LINGO2: variants seen among roughly 807,000 people sequenced by gnomAD.
LINGO2 encodes leucine-rich repeat and immunoglobulin-like domain-containing nogo receptor-interacting protein 2.
A neutral mutation model predicts 30.6 loss-of-function variants in LINGO2; 14 were observed. The observed-to-expected ratio is 0.46, with a 90% confidence interval of 0.30 to 0.72. The LOEUF (loss-of-function observed/expected upper bound fraction) is 0.72. Among genes scored for constraint, LINGO2 ranks in the 30% least tolerant of loss-of-function variants. The pLI, the probability that LINGO2 is intolerant of heterozygous loss-of-function variation, is 0.07. For missense variants in LINGO2, 729 were observed against 751.7 expected (o/e 0.97, Z 0.35); for synonymous variants, 317 against 288.5 (o/e 1.10, Z -1.00).
chr9:28,928,337 G>A, the LINGO2 span, among the ~76,000 whole-genome samples: 1 of 152,134 alleles, frequency 6.6e-6, no homozygotes, highest in Non-Finnish European at 1.5e-5. Flanking sequence ...ATCTAAGTAT[G>A]TGAACTTTAA....
At chr9:28,407,816 T>G (rs1032084425) in intron 2 of LINGO2, among the ~76,000 whole-genome samples, 3 of 152,292 alleles carry the variant, frequency 2.0e-5, no homozygotes, top group Admixed American at 1.3e-4. Flanking sequence ...TATCTCAGTC[T>G]TATCCATAAA....
chr9:28,812,709 G>A, the LINGO2 span, among the ~76,000 whole-genome samples: 1 of 152,156 alleles, frequency 6.6e-6, no homozygotes. Flanking sequence ...TTCTCACGAT[G>A]AGTTCAAAAA....
At chr9:28,282,011 C>CT (rs907844876) in intron 4 of LINGO2, among the ~76,000 whole-genome samples, 100 of 152,184 alleles carry the variant, frequency 6.6e-4, no homozygotes, top group African/African-American at 2.4e-3. Context: ...AATGTCCAGT[C>CT]ACGGAGTTCC....
intron 2 of LINGO2, among the ~76,000 whole-genome samples, chr9:28,405,320 G>T (rs981620776): frequency 1.3e-5 from 2 of 152,060 alleles, no homozygotes; most frequent in Admixed American, 1.3e-4. Flanking sequence ...AATTGAAATA[G>T]AATTGGGTCC....
intron 3 of LINGO2, among the ~76,000 whole-genome samples, chr9:28,333,048 C>A (rs1354778884): frequency 6.6e-6 from 1 of 152,112 alleles, no homozygotes; most frequent in Non-Finnish European, 1.5e-5. Flanking sequence ...TGCAGTTTTA[C>A]GGATCAAAAT....
chr9:29,087,499 C>G, the LINGO2 span, among the ~76,000 whole-genome samples: 1 of 152,154 alleles, frequency 6.6e-6, no homozygotes, highest in Non-Finnish European at 1.5e-5. Context: ...TCACAATTAG[C>G]AAGTAATGAA....
intron 4 of LINGO2, among the ~76,000 whole-genome samples, chr9:28,066,849 T>C (rs1443945489): frequency 6.6e-6 from 1 of 152,028 alleles, no homozygotes; most frequent in East Asian, 1.9e-4. Context: ...AGGTCATCAA[T>C]GTCTCTGCTT....
intron 3 of LINGO2, among the ~76,000 whole-genome samples, chr9:28,298,558 C>T (rs2134197235): frequency 6.6e-6 from 1 of 150,884 alleles, no homozygotes; most frequent in East Asian, 1.9e-4. Context: ...TGGTGCATGC[C>T]TGTAATCCCA....
intron 4 of LINGO2, among the ~76,000 whole-genome samples, chr9:28,172,143 G>A (rs1023217584): frequency 5.0e-4 from 75 of 150,360 alleles, no homozygotes; most frequent in African/African-American, 1.4e-3. Flanking sequence ...TGTAATCCCA[G>A]CACTTTGGGA....
intron 1 of LINGO2, 62 bp from the exon 4 acceptor site, chr9:28,476,087 T>C (rs1333874026): frequency 1.3e-5 from 2 of 152,554 alleles, no homozygotes; most frequent in Admixed American, 6.5e-5. Context: ...AGGATTTTAC[T>C]ATATTAATGG....
chr9:28,840,092 G>A, the LINGO2 span, among the ~76,000 whole-genome samples: 1 of 149,726 alleles, frequency 6.7e-6, no homozygotes, highest in Middle Eastern at 3.2e-3. Context: ...GCAGGGAGGG[G>A]CTAGGCAACA....
chr9:28,775,083 G>A, the LINGO2 span, among the ~76,000 whole-genome samples: 1 of 152,172 alleles, frequency 6.6e-6, no homozygotes, highest in African/African-American at 2.4e-5. Flanking sequence ...GATATTGCTG[G>A]TGATGCTGCC....
the LINGO2 span, among the ~76,000 whole-genome samples, chr9:29,055,936 G>GTATATA: frequency 7.0e-4 from 85 of 121,862 alleles, 1 homozygote; most frequent in African/African-American, 2.6e-3. Flanking sequence ...GTGTATGTGT[G>GTATATA]TGTGTATATA....
At chr9:28,901,405 A>G in the LINGO2 span, among the ~76,000 whole-genome samples, 1 of 152,160 alleles carries the variant, frequency 6.6e-6, no homozygotes, top group African/African-American at 2.4e-5. Context: ...TAAGTACACA[A>G]ATTCAAAATA....
intron 2 of LINGO2, among the ~76,000 whole-genome samples, chr9:28,465,259 T>C (rs1323389846): frequency 6.6e-6 from 1 of 152,058 alleles, no homozygotes. Flanking sequence ...AGAAATTTTA[T>C]TGAGTGGTGG....
intron 4 of LINGO2, among the ~76,000 whole-genome samples, chr9:28,152,476 C>A (rs1371020864): frequency 6.6e-6 from 1 of 152,114 alleles, no homozygotes; most frequent in African/African-American, 2.4e-5. Flanking sequence ...AACCTCTTTT[C>A]TTTATAAATT....
At chr9:28,791,642 GA>G in the LINGO2 span, among the ~76,000 whole-genome samples, 1 of 151,874 alleles carries the variant, frequency 6.6e-6, no homozygotes, top group Admixed American at 6.6e-5. Context: ...GTTCAGAAAT[GA>G]GAGCTGAAAT....
intron 3 of LINGO2, among the ~76,000 whole-genome samples, chr9:28,315,142 C>T (rs189523808): frequency 6.6e-6 from 1 of 150,646 alleles, no homozygotes; most frequent in Non-Finnish European, 1.5e-5. Context: ...GAGACACACT[C>T]GCCTGTAATC....
chr9:28,052,023 C>G (rs772933125), intron 4 of LINGO2, among the ~76,000 whole-genome samples: 3 of 152,038 alleles, frequency 2.0e-5, no homozygotes, highest in African/African-American at 7.2e-5. Flanking sequence ...TTGGGGCTGT[C>G]TCTTGCACTA....
Sources: gnomAD v4.1 joint callset for allele counts (sites outside exome capture counted in the v4.1 genomes callset) on GRCh38, gnomAD v4.1.1 for gene constraint, MANE v1.5 for transcripts, NCBI Gene and HGNC (gene_info 2026-07-23, HGNC 2026-07-21) for gene names.